NUP62CL: variants seen among roughly 807,000 people sequenced by gnomAD.
NUP62CL encodes nucleoporin-62 C-terminal-like protein.
A neutral mutation model predicts 15.3 loss-of-function variants in NUP62CL; 13 were observed. The observed-to-expected ratio is 0.85, with a 90% CI of 0.55 to 1.35. NUP62CL has a LOEUF of 1.35. NUP62CL is among the 40% of genes most tolerant of loss of function. The pLI is 0.00. For missense variants in NUP62CL, 123 were observed against 130.6 expected (o/e 0.94, Z 0.28); for synonymous variants, 54 against 49.2 (o/e 1.10, Z -0.41).
At chrX:107,139,854 G>A (rs1354105228) in intron 8 of NUP62CL, among the ~76,000 whole-genome samples, 1 of 111,747 alleles carries the variant, frequency 8.9e-6, no homozygotes, top group Non-Finnish European at 1.9e-5. Flanking sequence ...AGAGGGGAGA[G>A]GGAAGAGGAT....
At chrX:107,136,424 A>T (rs974877684) in intron 8 of NUP62CL, among the ~76,000 whole-genome samples, 1 of 112,217 alleles carries the variant, frequency 8.9e-6, no homozygotes, top group Non-Finnish European at 1.9e-5. Flanking sequence ...TTCCATTTGT[A>T]ACTTAAAAGC....
chrX:107,202,677 G>A (rs1163179323), intron 1 of NUP62CL: 2 of 78,122 alleles, frequency 2.6e-5, no homozygotes, highest in Non-Finnish European at 4.6e-5. Flanking sequence ...TCACTTGACT[G>A]TCTTAAAAAA....
At chrX:107,141,299 G>T (rs1478902553) in intron 8 of NUP62CL, among the ~76,000 whole-genome samples, 1 of 111,922 alleles carries the variant, frequency 8.9e-6, no homozygotes, top group Admixed American at 9.5e-5. Context: ...AAGAGACAAA[G>T]GTGTGACAAA....
In NUP62CL at chrX:107,189,881, G is replaced by GAAAGA. The variant is rs1569365612; in HGVS notation, c.-48+3143_-48+3147dup. Among the ~76,000 whole-genome samples, 5 of 36,759 alleles carry GAAAGA rather than the reference G, an allele frequency of 1.4e-4. No homozygotes were observed. In the South Asian group the frequency reaches 4.2e-3, roughly 31 times the overall value. 31.9% of individuals were successfully genotyped at this position (36,759 alleles called of 115,157 possible). ...AGGAAGGAAGGAAAAAGAAAGAAAAGAAAGAAAGAAAGAAAGAAAGAAAGA... is the reference window on the plus strand; with the variant it reads ...AGGAAGGAAGGAAAAAGAAAGAAAAGAAAGAAAAGAAAGAAAGAAAGAAAGAAAGA... On this transcript the variant is annotated intron_variant, in intron 2 of 8. Transcript: ENST00000372466.
intron 4 of NUP62CL, among the ~76,000 whole-genome samples, chrX:107,155,388 A>T (rs772468780): frequency 8.9e-6 from 1 of 112,640 alleles, no homozygotes; most frequent in Admixed American, 9.3e-5. Flanking sequence ...GCAACTAAGC[A>T]GTGTGAGTCA....
intron 2 of NUP62CL, among the ~76,000 whole-genome samples, chrX:107,179,994 A>G (rs894139419): frequency 3.6e-5 from 4 of 112,010 alleles, no homozygotes; most frequent in Non-Finnish European, 7.5e-5. Flanking sequence ...ATGTCTCTAT[A>G]TAATAGTCTA....
chrX:107,142,480 G>T (rs1478269504), intron 8 of NUP62CL, among the ~76,000 whole-genome samples: 8 of 112,134 alleles, frequency 7.1e-5, no homozygotes, highest in Non-Finnish European at 1.9e-5. Context: ...TGCAATAATT[G>T]TGGAAGAAAT....
chrX:107,148,630 A>G (rs998899062), intron 7 of NUP62CL, among the ~76,000 whole-genome samples: 1 of 111,864 alleles, frequency 8.9e-6, no homozygotes, highest in African/African-American at 3.2e-5. Context: ...AAGACTAGAA[A>G]GAAATACACC....
intron 8 of NUP62CL, among the ~76,000 whole-genome samples, chrX:107,133,633 T>C (rs1925571062): frequency 8.9e-6 from 1 of 112,671 alleles, no homozygotes; most frequent in South Asian, 3.7e-4. Context: ...CACTGCACCC[T>C]GCTGAAGGTG....
chrX:107,199,855 T>C (rs1215393009), intron 1 of NUP62CL, among the ~76,000 whole-genome samples: 1 of 112,188 alleles, frequency 8.9e-6, no homozygotes, highest in African/African-American at 3.2e-5. Context: ...ATATAAAGTC[T>C]TCCAGAAAAA....
intron 2 of NUP62CL, among the ~76,000 whole-genome samples, chrX:107,184,271 A>G (rs1176400367): frequency 1.1e-5 from 1 of 94,174 alleles, no homozygotes; most frequent in African/African-American, 4.5e-5. Context: ...ACAAATGAAA[A>G]AACCCGCCTC....
intron 7 of NUP62CL, among the ~76,000 whole-genome samples, chrX:107,149,026 A>G (rs1467131330): frequency 5.4e-5 from 6 of 111,753 alleles, no homozygotes; most frequent in Non-Finnish European, 9.4e-5. Context: ...TTCTGCAATC[A>G]AACAGCAATT....
chrX:107,172,161 T>TAAAA (rs756508608), intron 3 of NUP62CL, among the ~76,000 whole-genome samples: 6 of 76,472 alleles, frequency 7.8e-5, no homozygotes, highest in Admixed American at 1.5e-4. Flanking sequence ...TCATCTCTAC[T>TAAAA]AAAAAAAAAA....
intron 2 of NUP62CL, among the ~76,000 whole-genome samples, chrX:107,190,082 C>A (rs1048580804): frequency 9.0e-6 from 1 of 111,095 alleles, no homozygotes; most frequent in Non-Finnish European, 1.9e-5. Flanking sequence ...TTAGCAAGAT[C>A]CTGAATGTCT....
intron 4 of NUP62CL, among the ~76,000 whole-genome samples, chrX:107,164,972 G>T (rs1339333659): frequency 1.8e-5 from 2 of 112,232 alleles, no homozygotes; most frequent in African/African-American, 3.2e-5. Flanking sequence ...GTGGTGGCGG[G>T]TGCCTGCAGT....
intron 8 of NUP62CL, chrX:107,132,346 T>C: frequency 1.7e-6 from 1 of 590,832 alleles, no homozygotes; most frequent in Middle Eastern, 4.3e-4. Context: ...AAATAATTGC[T>C]GTGTAGCTTT....
At chrX:107,140,784 T>C (rs908751032) in intron 8 of NUP62CL, among the ~76,000 whole-genome samples, 15 of 112,060 alleles carry the variant, frequency 1.3e-4, no homozygotes, top group African/African-American at 4.5e-4. Context: ...CTGAAGTGCT[T>C]AGAATGTGGC....
chrX:107,189,831 A>G (rs1399823138), intron 2 of NUP62CL, among the ~76,000 whole-genome samples: 1 of 30,222 alleles, frequency 3.3e-5, no homozygotes, highest in Non-Finnish European at 5.7e-5. Context: ...AGAAGGAGGG[A>G]AGGAAGGAAG....
intron 2 of NUP62CL, among the ~76,000 whole-genome samples, chrX:107,185,123 G>A (rs1057506114): frequency 7.6e-5 from 8 of 105,505 alleles, no homozygotes; most frequent in African/African-American, 2.1e-4. Flanking sequence ...CGTGTACCCC[G>A]GAGGCGGAGC....
Sources: gnomAD v4.1 joint callset for allele counts (sites outside exome capture counted in the v4.1 genomes callset) on GRCh38, gnomAD v4.1.1 for gene constraint, MANE v1.5 for transcripts, NCBI Gene and HGNC (gene_info 2026-07-23, HGNC 2026-07-21) for gene names.